The following RBP5 variants were observed in gnomAD, a reference collection of about 807,000 sequenced individuals.
RBP5 encodes the protein retinol binding protein 5, also known as retinol-binding protein 5.
A neutral mutation model predicts 17.8 loss-of-function variants in RBP5; 12 were observed. That is an observed-to-expected ratio of 0.67 (90% CI 0.43 to 1.09). The LOEUF (loss-of-function observed/expected upper bound fraction) is 1.09. Ranked by LOEUF, RBP5 falls within the 50% of genes least tolerant of loss-of-function variation. The probability of loss-of-function intolerance (pLI) is 0.00; values close to 1 mark genes in which losing one functional copy is unlikely to be tolerated. For synonymous variants in RBP5, 64 were observed against 68.1 expected (o/e 0.94, Z 0.30); for missense variants, 172 against 169.4 (o/e 1.02, Z -0.09).
At chr12:7,119,705 A>T (rs1462520713), downstream of RBP5, among the ~76,000 whole-genome samples, 1 of 152,224 alleles carries the variant, frequency 6.6e-6, no homozygotes, top group Non-Finnish European at 1.5e-5. Flanking sequence ...GAATAGTGCA[A>T]GTAATGATAG....
At position 7,128,404 on chromosome 12, in the gene RBP5, C is replaced by T. The variant is rs150123818; in HGVS notation, c.88G>A (p.Val30Met). ...YLQALNISLAVRKIALLLKPD... is the reference protein window; with the variant it reads ...YLQALNISLAMRKIALLLKPD... ...TTCAGCAGCAGCGCGATCTTCCGCA[C>T]AGCCAAGCTGATGTCTGTGGGGGCT... is the stretch of plus-strand genomic sequence containing the variant. The change falls in exon 2 of 4, where the codon GTG becomes ATG. Residue 30 changes from valine (V) to methionine (M), a missense_variant. By Grantham distance (21) the Val-to-Met change is conservative. Coordinates refer to ENST00000266560, the MANE Select transcript of RBP5 (RefSeq NM_031491.4). This position sits in a 1 kb window ranked among gnomAD's most constrained non-coding sequence, Gnocchi z 5.3. 1.2e-6 allele frequency: 2 copies of T among 1,614,082 alleles called. No homozygotes were observed. The highest frequency in any genetic ancestry group is 1.7e-6 in the Non-Finnish European group (2 of 1,179,940).
chr12:7,119,268 A>G (rs1939047535), downstream of RBP5, among the ~76,000 whole-genome samples: 1 of 151,944 alleles, frequency 6.6e-6, no homozygotes, highest in Non-Finnish European at 1.5e-5. Flanking sequence ...CCATCACTGC[A>G]GTGGCACTGG....
intron 2 of RBP5, among the ~76,000 whole-genome samples, chr12:7,126,662 G>A (rs61917919): frequency 0.15 from 22,547 of 151,966 alleles, 2,135 homozygotes; most frequent in Non-Finnish European, 0.22. Context: ...TATAAAAGTG[G>A]GGTAGGTTTG....
At chr12:7,123,556 G>C (rs1939110390), downstream of RBP5, 1 of 152,812 alleles carries the variant, frequency 6.5e-6, no homozygotes, top group Admixed American at 6.5e-5. Context: ...CAAATGGCCA[G>C]ATGCCTTCAG....
At chr12:7,125,260 AG>A (rs1939142240) in intron 2 of RBP5, among the ~76,000 whole-genome samples, 1 of 152,124 alleles carries the variant, frequency 6.6e-6, no homozygotes, top group African/African-American at 2.4e-5. Context: ...AGTGACCTTT[AG>A]GGGAGAGCAG....
chr12:7,119,388 G>A (rs1321186668), downstream of RBP5: 1 of 151,464 alleles, frequency 6.6e-6, no homozygotes, highest in South Asian at 2.1e-4. Flanking sequence ...GGGCAATGCT[G>A]TCCCGGGGAG....
At chr12:7,127,042 G>A (rs1442366542) in intron 2 of RBP5, among the ~76,000 whole-genome samples, 2 of 146,624 alleles carry the variant, frequency 1.4e-5, no homozygotes, top group Non-Finnish European at 3.0e-5. Context: ...GCCCAGGCTG[G>A]AGTGCAGTGG....
downstream of RBP5, among the ~76,000 whole-genome samples, chr12:7,120,320 C>G (rs144810390): frequency 3.0e-3 from 457 of 152,254 alleles, 1 homozygote; most frequent in African/African-American, 0.01. Context: ...CAGAGCAATG[C>G]CGTCCTGTTG....
rs758613350 is a variant in RBP5 at position 7,128,428 on chromosome 12, C to A, written c.74-10G>T. The A allele has an allele frequency of 6.2e-7, 1 of 1,613,652 alleles. No individual in the cohort carries two copies. The highest frequency in any genetic ancestry group is 2.2e-5 in the East Asian group (1 of 44,886). On this transcript the variant is annotated splice_polypyrimidine_tract_variant and intron_variant, in intron 1 of 3. Transcript: ENST00000266560. This position sits in a 1 kb window ranked among gnomAD's most constrained non-coding sequence, Gnocchi z 5.3. ...ACAGCCAAGCTGATGTCTGTGGGGG[C>A]TGCCTGTTAGTAGGGGTGCTGCTAG...
chr12:7,127,829 T>C (rs1939200422), intron 2 of RBP5: 1 of 661,818 alleles, frequency 1.5e-6, no homozygotes, highest in Non-Finnish European at 2.8e-6. Context: ...GTTTAAAGGA[T>C]TAATAGGAGG....
At chr12:7,129,526 G>T, upstream of RBP5, 2 of 794,226 alleles carry the variant, frequency 2.5e-6, no homozygotes, top group African/African-American at 3.7e-5. The surrounding 1 kb of genome is among the most constrained non-coding windows in gnomAD (Gnocchi z 5.5). Context: ...CTATTCTGGA[G>T]AATTTTATTC....
rs1048560685 is a variant in RBP5, at chr12:7,124,269, C to T, written c.355-95G>A. On this transcript the variant is annotated intron_variant, in intron 3 of 3. Transcript: ENST00000266560. The surrounding 1 kb of genome is among the most constrained non-coding windows in gnomAD (Gnocchi z 5.3). ...GTCCTTGACCTCCATTTACTCCTTC[C>T]GGATACAGCAGCTTGAGTGTTTGAT... 34 of 1,075,262 alleles carry T rather than the reference C, an allele frequency of 3.2e-5. 1 individual carries two copies. Among genetic ancestry groups the T allele is most frequent in the East Asian group, 7.4e-5 (3 of 40,782 alleles). The allele number at this position is 1,075,262 out of a possible 1,614,324, so 66.6% of individuals were successfully genotyped here. A position where few individuals can be genotyped will look rare whatever the true frequency, so the allele number is the denominator to read the frequency against.
chr12:7,128,130 C>G lies in RBP5; in HGVS notation c.252+110G>C. ...GCATTCCCTGCTGTGGTGACCATTC[C>G]CCTCCTCCCCGCTGCTCTGGCTGGG... On this transcript the variant is annotated intron_variant, in intron 2 of 3. Coordinates refer to ENST00000266560, the MANE Select transcript of RBP5 (RefSeq NM_031491.4). The surrounding 1 kb of genome is among the most constrained non-coding windows in gnomAD (Gnocchi z 5.3). 1.0e-6 allele frequency: 1 copy of G among 958,760 alleles called. No homozygotes were observed. The highest frequency in any genetic ancestry group is 2.7e-5 in the Admixed American group (1 of 37,498). The allele number at this position is 958,760 out of a possible 1,614,324, so 59.4% of individuals were successfully genotyped here. A position where few individuals can be genotyped will look rare whatever the true frequency, so the allele number is the denominator to read the frequency against.
At position 7,128,588 on chromosome 12, in the gene RBP5, T is replaced by C; in HGVS notation, c.73+115A>G. ...GATCCCAGGTCTGGTGCCAGCCGCCTGAGCCTTTCCACAGTGTCCAACCCC... is the reference window on the plus strand; with the variant it reads ...GATCCCAGGTCTGGTGCCAGCCGCCCGAGCCTTTCCACAGTGTCCAACCCC... On this transcript the variant is annotated intron_variant, in intron 1 of 3. Coordinates refer to ENST00000266560, the MANE Select transcript of RBP5 (RefSeq NM_031491.4). This position sits in a 1 kb window ranked among gnomAD's most constrained non-coding sequence, Gnocchi z 5.3. 8.1e-7 allele frequency: 1 copy of C among 1,229,378 alleles called. No individual in the cohort carries two copies. The highest frequency in any genetic ancestry group is 1.2e-6 in the Non-Finnish European group (1 of 855,600). 76.2% of individuals were successfully genotyped at this position (1,229,378 alleles called of 1,614,324 possible).
downstream of RBP5, among the ~76,000 whole-genome samples, chr12:7,120,025 C>G (rs1315570757): frequency 1.3e-5 from 2 of 152,056 alleles, no homozygotes; most frequent in African/African-American, 4.8e-5. Context: ...TCTGCTTGGG[C>G]ACTGCCCACG....
Position 7,128,435 on chromosome 12 carries a change from TTAG to T in RBP5, c.74-20_74-18del. The T allele has an allele frequency of 6.2e-7, 1 of 1,613,184 alleles. No homozygotes were observed. The highest frequency in any genetic ancestry group is 1.7e-4 in the Middle Eastern group (1 of 6,054). On this transcript the variant is annotated intron_variant, in intron 1 of 3. Coordinates refer to ENST00000266560, the MANE Select transcript of RBP5 (RefSeq NM_031491.4). This position sits in a 1 kb window ranked among gnomAD's most constrained non-coding sequence, Gnocchi z 5.3. ...AGCTGATGTCTGTGGGGGCTGCCTGTTAGTAGGGGTGCTGCTAGCCAGCCAGGA... is the reference window on the plus strand; with the variant it reads ...AGCTGATGTCTGTGGGGGCTGCCTGTTAGGGGTGCTGCTAGCCAGCCAGGA...
Position 7,128,877 on chromosome 12 carries a change from A to ATCCTGTCTCTGTGTGT in RBP5, c.-103_-102insACACACAGAGACAGGA. 2 of 940,490 alleles carry ATCCTGTCTCTGTGTGT rather than the reference A, an allele frequency of 2.1e-6. No individual in the cohort carries two copies. The highest frequency in any genetic ancestry group is 3.4e-6 in the Non-Finnish European group (2 of 591,032). The allele number at this position is 940,490 out of a possible 1,614,324, so 58.3% of individuals were successfully genotyped here. A position where few individuals can be genotyped will look rare whatever the true frequency, so the allele number is the denominator to read the frequency against. On this transcript the variant is annotated 5_prime_UTR_variant, in exon 1 of 4. It adds an upstream start codon to the 5' untranslated region. Transcript: ENST00000266560. This position sits in a 1 kb window ranked among gnomAD's most constrained non-coding sequence, Gnocchi z 5.3. ...AGAGATTCCAGCCAGCTCCACACAC[A>ATCCTGTCTCTGTGTGT]GAGACAGGATGTGTAATGGCCGGGT...
exon 4 of RBP5, chr12:7,116,531 C>T (rs748057845): frequency 7.2e-5 from 11 of 152,342 alleles, no homozygotes; most frequent in South Asian, 4.1e-4. Flanking sequence ...AACTTTGAAA[C>T]GAGCAGGGTA....
Position 7,128,189 on chromosome 12 carries a change from A to G in RBP5, c.252+51T>C. The G allele has an allele frequency of 6.5e-7, 1 of 1,531,348 alleles. No homozygotes were observed. The highest frequency in any genetic ancestry group is 1.2e-5 in the South Asian group (1 of 80,964). The allele number at this position is 1,531,348 out of a possible 1,614,324, so 94.9% of individuals were successfully genotyped here. A position where few individuals can be genotyped will look rare whatever the true frequency, so the allele number is the denominator to read the frequency against. ...CTTTGTTTTGCCCCATGTTGTTAGG[A>G]GTCTCCTGTGATGCCTCCTTCCGGC... On this transcript the variant is annotated intron_variant, in intron 2 of 3. Coordinates refer to ENST00000266560, the MANE Select transcript of RBP5 (RefSeq NM_031491.4). The surrounding 1 kb of genome is among the most constrained non-coding windows in gnomAD (Gnocchi z 5.3).
Sources: gnomAD v4.1 joint callset for allele counts (sites outside exome capture counted in the v4.1 genomes callset) on GRCh38, gnomAD v4.1.1 for gene constraint, Gnocchi (gnomAD v3.1) non-coding constraint, MANE v1.5 for transcripts, NCBI Gene and HGNC (gene_info 2026-07-23, HGNC 2026-07-21) for gene names.